The following TMEM165 variants were observed in gnomAD, a reference collection of about 807,000 sequenced individuals.
The protein encoded by TMEM165 is putative divalent cation/proton antiporter TMEM165.
TMEM165 carries 19 observed loss-of-function variants against 30.0 expected under a neutral mutation model. The ratio of observed to expected loss-of-function variants is 0.63; its 90% confidence interval spans 0.44 to 0.93. The LOEUF (loss-of-function observed/expected upper bound fraction) is 0.93, where lower values mean the gene tolerates loss of function less well. Among genes scored for constraint, TMEM165 ranks in the 40% least tolerant of loss-of-function variants. The pLI is 0.00. For synonymous variants in TMEM165, 168 were observed against 162.9 expected (o/e 1.03, Z -0.24); for missense variants, 340 against 417.0 (o/e 0.82, Z 1.61).
At chr4:55,435,815 G>A (rs1474602345) in intron 3 of TMEM165, among the ~76,000 whole-genome samples, 1 of 152,194 alleles carries the variant, frequency 6.6e-6, no homozygotes, top group Non-Finnish European at 1.5e-5. Flanking sequence ...AAAGGAATCT[G>A]AGCTACAGAT....
chr4:55,435,684 C>T, intron 3 of TMEM165: 1 of 1,337,102 alleles, frequency 7.5e-7, no homozygotes, highest in Non-Finnish European at 1.1e-6. Flanking sequence ...TCCATAGGGA[C>T]AAAATCCTTA....
intron 1 of TMEM165, among the ~76,000 whole-genome samples, chr4:55,396,630 G>C (rs1720741878): frequency 6.6e-6 from 1 of 152,216 alleles, no homozygotes; most frequent in South Asian, 2.1e-4. Context: ...TATAAACGTT[G>C]ATCTCCGGAG....
chr4:55,442,203 TA>T, intron 3 of TMEM165: 1 of 533,038 alleles, frequency 1.9e-6, no homozygotes. Context: ...TATTCTATAA[TA>T]TTTTGTAGCA....
chr4:55,424,454 T>C, intron 4 of TMEM165, 84 bp from the exon 5 acceptor site: 1 of 808,850 alleles, frequency 1.2e-6, no homozygotes, highest in Non-Finnish European at 2.1e-6. Context: ...TTGGCCACCA[T>C]TTTTAGTGCT....
Position 55,411,746 on chromosome 4 carries a change from T to C in TMEM165, c.340T>C (p.Phe114Leu). ...IIVSELGDKTFFIAAIMAMRY... is the reference protein window; with the variant it reads ...IIVSELGDKTLFIAAIMAMRY... ...TGTATCTGAATTGGGTGATAAGACA[T>C]TTTTTATAGCAGCCATCATGGCAAT... The change falls in exon 2 of 6, where the codon TTT becomes CTT. Residue 114 changes from phenylalanine (F) to leucine (L), a missense_variant. Phe to Leu is a conservative substitution (Grantham distance 22). Coordinates refer to ENST00000381334, the MANE Select transcript of TMEM165 (RefSeq NM_018475.5). 1 of 1,614,218 alleles carries C rather than the reference T, an allele frequency of 6.2e-7. No individual in the cohort carries two copies. The highest frequency in any genetic ancestry group is 8.5e-7 in the Non-Finnish European group (1 of 1,180,022).
downstream of TMEM165, among the ~76,000 whole-genome samples, chr4:55,427,258 G>A (rs375500493): frequency 4.3e-4 from 65 of 151,246 alleles, no homozygotes; most frequent in Non-Finnish European, 8.1e-4. Flanking sequence ...GGCTGGTCTC[G>A]AACTCCTGAC....
intron 1 of TMEM165, among the ~76,000 whole-genome samples, chr4:55,398,132 A>G (rs1306404765): frequency 6.6e-6 from 1 of 152,238 alleles, no homozygotes; most frequent in East Asian, 1.9e-4. Context: ...ACTTTCTGAG[A>G]GACTGATCTT....
chr4:55,402,119 CAA>C (rs71194551), intron 1 of TMEM165, among the ~76,000 whole-genome samples: 8 of 107,028 alleles, frequency 7.5e-5, no homozygotes, highest in Non-Finnish European at 8.5e-5. Context: ...ACTCTGTCTC[CAA>C]AAAAAAAAAA....
chr4:55,410,852 G>C (rs1721465542), intron 1 of TMEM165, among the ~76,000 whole-genome samples: 2 of 152,126 alleles, frequency 1.3e-5, no homozygotes, highest in African/African-American at 4.8e-5. Context: ...GGTAATTTTG[G>C]CCAAGCGTGG....
intron 3 of TMEM165, among the ~76,000 whole-genome samples, chr4:55,441,790 G>A (rs548642450): frequency 1.3e-5 from 2 of 152,146 alleles, no homozygotes; most frequent in Non-Finnish European, 2.9e-5. Flanking sequence ...CAGGTGATCA[G>A]TGCACTAAAA....
chr4:55,450,361 T>TA lies in TMEM165; in HGVS notation c.409-1877dup, dbSNP rs373182730. On this transcript the variant is annotated intron_variant, in intron 3 of 3. Coordinates refer to the TMEM165 transcript ENST00000608091. ...CAAGGCAAAAGTACCTGTATGTACATACACATGTAAAGAAATGAAAATTTA... is the reference window on the plus strand; with the variant it reads ...CAAGGCAAAAGTACCTGTATGTACATAACACATGTAAAGAAATGAAAATTTA... 24 of 989,690 alleles carry TA rather than the reference T, an allele frequency of 2.4e-5. No individual in the cohort carries two copies. In the African/African-American group the frequency reaches 3.4e-4, roughly 14 times the overall value. The allele number at this position is 989,690 out of a possible 1,614,324, so 61.3% of individuals were successfully genotyped here.
intron 1 of TMEM165, among the ~76,000 whole-genome samples, chr4:55,402,604 C>T (rs1312544297): frequency 1.4e-5 from 2 of 143,420 alleles, no homozygotes; most frequent in East Asian, 2.0e-4. Context: ...CATGCCACCA[C>T]GCCCAGCTGA....
chr4:55,407,476 A>G (rs1009790306), intron 1 of TMEM165, among the ~76,000 whole-genome samples: 3 of 152,256 alleles, frequency 2.0e-5, no homozygotes, highest in African/African-American at 7.2e-5. Flanking sequence ...TATAATTTAA[A>G]TAGTAGCATT....
At chr4:55,398,194 T>G (rs1253826094) in intron 1 of TMEM165, among the ~76,000 whole-genome samples, 2 of 152,260 alleles carry the variant, frequency 1.3e-5, no homozygotes, top group Non-Finnish European at 2.9e-5. Context: ...CCAGATGTAG[T>G]AATCGCTATT....
chr4:55,403,422 T>C, intron 1 of TMEM165: 1 of 621,454 alleles, frequency 1.6e-6, no homozygotes, highest in South Asian at 2.8e-5. Context: ...TTCTTTGATT[T>C]TCTTTTTCTT....
At chr4:55,413,616 C>T (rs927495193) in intron 2 of TMEM165, among the ~76,000 whole-genome samples, 6 of 152,202 alleles carry the variant, frequency 3.9e-5, no homozygotes, top group African/African-American at 1.4e-4. Flanking sequence ...CGCCTGGCCC[C>T]TGGCCCATCA....
At chr4:55,437,117 T>C (rs1001381892) in intron 3 of TMEM165, among the ~76,000 whole-genome samples, 1 of 152,224 alleles carries the variant, frequency 6.6e-6, no homozygotes, top group Non-Finnish European at 1.5e-5. Context: ...CAGCATAGGC[T>C]TAAGGTCTAA....
intron 3 of TMEM165, chr4:55,450,363 C>T (rs1330698276): frequency 5.1e-6 from 5 of 977,018 alleles, no homozygotes; most frequent in Non-Finnish European, 8.0e-6. Context: ...TATGTACATA[C>T]ACATGTAAAG....
chr4:55,410,663 C>G (rs1176508193), intron 1 of TMEM165, among the ~76,000 whole-genome samples: 1 of 152,202 alleles, frequency 6.6e-6, no homozygotes, highest in Non-Finnish European at 1.5e-5. Context: ...ACTCTCTATA[C>G]CCTGCTGAGG....
Sources: allele counts gnomAD v4.1 joint callset (sites outside exome capture counted in the v4.1 genomes callset), GRCh38; gene constraint gnomAD v4.1.1; transcripts MANE v1.5; gene names NCBI Gene and HGNC (gene_info 2026-07-23, HGNC 2026-07-21).